GNPTAB: variants seen among roughly 807,000 people sequenced by gnomAD.
GNPTAB encodes N-acetylglucosamine-1-phosphate transferase subunits alpha and beta.
Under a neutral mutation model 136.6 loss-of-function variants are expected in GNPTAB, and 92 were observed. The observed-to-expected ratio is 0.67, with a 90% CI of 0.57 to 0.80. GNPTAB has a LOEUF of 0.80. GNPTAB is among the 30% of genes least tolerant of loss of function. GNPTAB has a pLI of 0.00. For missense variants in GNPTAB, 1,343 were observed against 1,501.8 expected (o/e 0.89, Z 1.75); for synonymous variants, 512 against 535.1 (o/e 0.96, Z 0.60).
At position 101,830,802 on chromosome 12, in the gene GNPTAB, C is replaced by A; in HGVS notation, c.-127G>T. The A allele has an allele frequency of 2.5e-6, 1 of 402,454 alleles. No individual in the cohort carries two copies. The highest frequency in any genetic ancestry group is 3.5e-5 in the South Asian group (1 of 28,178). 24.9% of individuals were successfully genotyped at this position (402,454 alleles called of 1,614,324 possible). A position where few individuals can be genotyped will look rare whatever the true frequency, so the allele number is the denominator to read the frequency against. On this transcript the variant is annotated 5_prime_UTR_variant, in exon 1 of 21. Transcript: ENST00000299314. ...CGCGCAGGTCACAGCCTCCGGGCGC[C>A]GCTCATTGCAGCTCCGGCGACGGAC...
At chr12:101,830,521 T>C (rs762875721) in intron 1 of GNPTAB, 38 bp downstream of exon 1, 1 of 1,235,210 alleles carries the variant, frequency 8.1e-7, no homozygotes, top group Non-Finnish European at 1.2e-6. Flanking sequence ...CAGTGCAGGG[T>C]CGAGGCGCCC....
chr12:101,747,195 T>C lies in GNPTAB; in HGVS notation c.3740A>G (p.Lys1247Arg). Residue 1247 changes from lysine to arginine, a missense_variant, in exon 21 of 21, where the codon AAA becomes AGA. By Grantham distance (26) the Lys-to-Arg change is conservative. Coordinates refer to ENST00000299314, the MANE Select transcript of GNPTAB (RefSeq NM_024312.5). ...RKIFPRRRIH[K>R]EASPNRIRV ...TCTGATTCGATTGGGACTAGCTTCT[T>C]TGTGTATCCTCCTTCTGGGAAATAT... is the stretch of plus-strand genomic sequence containing the variant. 6.3e-7 allele frequency: 1 copy of C among 1,597,016 alleles called. No individual in the cohort carries two copies. Among genetic ancestry groups the C allele is most frequent in the Non-Finnish European group, 8.6e-7 (1 of 1,164,360 alleles).
Position 101,796,502 on chromosome 12 carries a change from CT to C in GNPTAB, c.203+174del, listed in dbSNP as rs371856548. 1,236 of 616,880 alleles carry C rather than the reference CT, an allele frequency of 2.0e-3. 12 individuals carry two copies. In the African/African-American group the frequency reaches 0.02, roughly 10 times the overall value. The allele number at this position is 616,880 out of a possible 1,614,324, so 38.2% of individuals were successfully genotyped here. On this transcript the variant is annotated intron_variant, in intron 2 of 20. Coordinates refer to ENST00000299314, the MANE Select transcript of GNPTAB (RefSeq NM_024312.5). ...TCTGTATCGTTCCAGTTTTTTTTTC[CT>C]TTTTTTTAGTATATGTGCTGCTAAA...
chr12:101,774,585 T>A (rs780309609), intron 7 of GNPTAB, among the ~76,000 whole-genome samples: 3 of 152,246 alleles, frequency 2.0e-5, no homozygotes, highest in Non-Finnish European at 2.9e-5. Context: ...TCAGTATAAC[T>A]GACCAAGTCA....
intron 1 of GNPTAB, among the ~76,000 whole-genome samples, chr12:101,805,071 T>C (rs1460728970): frequency 2.0e-5 from 3 of 146,912 alleles, no homozygotes; most frequent in Admixed American, 2.0e-4. Flanking sequence ...TTAAAATATA[T>C]CATGTGAAAA....
At chr12:101,825,071 A>T (rs978871535) in intron 1 of GNPTAB, among the ~76,000 whole-genome samples, 1 of 152,204 alleles carries the variant, frequency 6.6e-6, no homozygotes, top group East Asian at 1.9e-4. Flanking sequence ...AGGATGTTTC[A>T]ACCCACAACA....
intron 20 of GNPTAB, among the ~76,000 whole-genome samples, chr12:101,748,288 C>T (rs1362361864): frequency 6.6e-6 from 1 of 152,198 alleles, no homozygotes; most frequent in Non-Finnish European, 1.5e-5. Flanking sequence ...TACTTAGGTG[C>T]TTGTCCTTCT....
intron 6 of GNPTAB, 66 bp from the exon 7 acceptor site, chr12:101,780,352 G>T: frequency 6.5e-7 from 1 of 1,529,634 alleles, no homozygotes; most frequent in Admixed American, 1.7e-5. Context: ...CTACAGCTGA[G>T]AAAACTGGTA....
intron 7 of GNPTAB, among the ~76,000 whole-genome samples, chr12:101,776,904 C>T (rs1334698624): frequency 1.3e-5 from 2 of 152,196 alleles, no homozygotes; most frequent in African/African-American, 4.8e-5. Flanking sequence ...GGGGAACCTG[C>T]GAGGGCAAAG....
At chr12:101,812,473 G>A (rs1318760073) in intron 1 of GNPTAB, among the ~76,000 whole-genome samples, 1 of 152,018 alleles carries the variant, frequency 6.6e-6, no homozygotes, top group Non-Finnish European at 1.5e-5. Flanking sequence ...CCTCAAAGTT[G>A]GGCTGGGCAC....
chr12:101,765,442 C>T (rs1301009320), intron 12 of GNPTAB, 138 bp from the exon 13 acceptor site: 1 of 682,908 alleles, frequency 1.5e-6, no homozygotes, highest in Non-Finnish European at 2.6e-6. Context: ...GCATGTCGTC[C>T]TTGTGCAGGG....
chr12:101,754,902 T>A (rs1370257910), intron 18 of GNPTAB, among the ~76,000 whole-genome samples: 1 of 152,024 alleles, frequency 6.6e-6, no homozygotes, highest in Non-Finnish European at 1.5e-5. Context: ...CATATACACA[T>A]GCAAAAAATT....
intron 1 of GNPTAB, among the ~76,000 whole-genome samples, chr12:101,827,228 A>G (rs1358486726): frequency 6.6e-6 from 1 of 152,024 alleles, no homozygotes; most frequent in Non-Finnish European, 1.5e-5. Context: ...ACCAGGGCTC[A>G]AGTGATCCTC....
At chr12:101,769,168 C>T (rs774406743) in intron 10 of GNPTAB, among the ~76,000 whole-genome samples, 2 of 152,194 alleles carry the variant, frequency 1.3e-5, no homozygotes, top group South Asian at 2.1e-4. Context: ...CTTCTAACAA[C>T]GCTACAAGGG....
At chr12:101,786,760 A>G (rs1037721801) in intron 4 of GNPTAB, among the ~76,000 whole-genome samples, 3 of 152,248 alleles carry the variant, frequency 2.0e-5, no homozygotes, top group African/African-American at 7.2e-5. Context: ...TATTACCTGA[A>G]TAAACAAATG....
chr12:101,816,550 G>A (rs1334877546), intron 1 of GNPTAB, among the ~76,000 whole-genome samples: 1 of 152,194 alleles, frequency 6.6e-6, no homozygotes, highest in Non-Finnish European at 1.5e-5. Flanking sequence ...AATAAGAAAT[G>A]CTAGCAAGGA....
In GNPTAB at chr12:101,766,217, CAA is replaced by C; in HGVS notation, c.1484_1485del (p.Phe495TrpfsTer11). 1 of 1,614,098 alleles carries C rather than the reference CAA, an allele frequency of 6.2e-7. No homozygotes were observed. The highest frequency in any genetic ancestry group is 8.5e-7 in the Non-Finnish European group (1 of 1,179,968). On this transcript the variant is annotated frameshift_variant, in exon 12 of 21. Transcript: ENST00000299314. LOFTEE classifies it high-confidence loss of function. ...TAAGAGACACTGTTTATTCCTCCAC[CAA>C]ACTGCCAGGGCTGTCCAACTCCAAT... ...GSIGVGQPWQ[F>X]GGGINSVSYC...
intron 1 of GNPTAB, among the ~76,000 whole-genome samples, chr12:101,801,563 A>C (rs1412616306): frequency 6.7e-6 from 1 of 149,064 alleles, no homozygotes; most frequent in Non-Finnish European, 1.5e-5. Flanking sequence ...AAAAAAAAAA[A>C]AAAACTGGAA....
chr12:101,761,376 G>T (rs1473774921), intron 14 of GNPTAB, 30 bp from the exon 15 acceptor site: 3 of 1,594,350 alleles, frequency 1.9e-6, no homozygotes, highest in Non-Finnish European at 2.6e-6. Context: ...TACAAACTCT[G>T]GATATTCAAA....
Sources: gnomAD v4.1 joint callset for allele counts (sites outside exome capture counted in the v4.1 genomes callset) on GRCh38, gnomAD v4.1.1 for gene constraint, MANE v1.5 for transcripts, NCBI Gene and HGNC (gene_info 2026-07-23, HGNC 2026-07-21) for gene names.